The following LUZP2 variants were observed in gnomAD, a reference collection of about 807,000 sequenced individuals.
The protein encoded by LUZP2 is leucine zipper protein 2.
A neutral mutation model predicts 51.6 loss-of-function variants in LUZP2; 52 were observed. The ratio of observed to expected loss-of-function variants is 1.01; its 90% CI spans 0.81 to 1.27. The LOEUF is 1.27. Ranked by LOEUF, LUZP2 falls within the 50% of genes most tolerant of loss-of-function variation. The pLI is 0.00. For synonymous variants in LUZP2, 154 were observed against 137.3 expected, an observed-to-expected ratio of 1.12 and a Z score of -0.85; for missense variants, 436 against 395.4, an observed-to-expected ratio of 1.10 and a Z score of -0.87.
chr11:24,765,613 C>CTT (rs55867851), intron 5 of LUZP2, among the ~76,000 whole-genome samples: 10 of 143,466 alleles, frequency 7.0e-5, no homozygotes, highest in African/African-American at 1.9e-4. Context: ...TAATTTTTTC[C>CTT]TTTTTTTTCT....
At chr11:24,800,085 C>T (rs1365110125) in intron 5 of LUZP2, among the ~76,000 whole-genome samples, 1 of 152,148 alleles carries the variant, frequency 6.6e-6, no homozygotes, top group African/African-American at 2.4e-5. Context: ...GGTCCTTTGT[C>T]TTCCTCCCCA....
chr11:24,723,443 A>G lies in LUZP2; in HGVS notation c.63-5726A>G, dbSNP rs139033572. 3.5e-4 allele frequency among the ~76,000 whole-genome samples: 53 copies of G among 152,356 alleles called. No individual in the cohort carries two copies. The East Asian group carries it at 8.1e-3, about 23-fold the overall frequency. ...TATTCATTGCAGCATTACTCATAAT[A>G]TTCAAAAACTGGAAAAAGTCACAAG... On this transcript the variant is annotated intron_variant, in intron 1 of 11. Transcript: ENST00000336930.
chr11:24,759,140 T>C (rs2134024344), intron 4 of LUZP2, among the ~76,000 whole-genome samples: 1 of 152,232 alleles, frequency 6.6e-6, no homozygotes, highest in Non-Finnish European at 1.5e-5. Flanking sequence ...TAATTAAAGA[T>C]TTTAATGATT....
intron 5 of LUZP2, among the ~76,000 whole-genome samples, chr11:24,789,784 A>G (rs1407405005): frequency 2.6e-5 from 4 of 152,178 alleles, no homozygotes; most frequent in Admixed American, 6.6e-5. Flanking sequence ...GAAGAAGCAA[A>G]TGAGCTTCCT....
At chr11:24,696,368 A>G (rs1857247125) in intron 1 of LUZP2, among the ~76,000 whole-genome samples, 1 of 152,072 alleles carries the variant, frequency 6.6e-6, no homozygotes. Context: ...CTTATTTGTT[A>G]TTTTTCTCCT....
At chr11:24,819,435 T>A (rs1850289704) in intron 5 of LUZP2, among the ~76,000 whole-genome samples, 1 of 152,092 alleles carries the variant, frequency 6.6e-6, no homozygotes, top group Admixed American at 6.6e-5. Context: ...GCCTCAAATA[T>A]CCACATTATA....
At chr11:25,067,105 A>T (rs1425782454) in intron 10 of LUZP2, among the ~76,000 whole-genome samples, 22 of 151,956 alleles carry the variant, frequency 1.4e-4, no homozygotes, top group Admixed American at 1.4e-3. Context: ...TATTTTTGGG[A>T]TGGGAAGTTA....
intron 7 of LUZP2, among the ~76,000 whole-genome samples, chr11:24,940,396 C>A (rs1485008293): frequency 1.3e-5 from 2 of 152,230 alleles, no homozygotes; most frequent in East Asian, 3.9e-4. Flanking sequence ...CAAGTGGGCT[C>A]ATTCTCTTTA....
chr11:24,834,258 C>A (rs139037028), intron 5 of LUZP2, among the ~76,000 whole-genome samples: 19 of 152,228 alleles, frequency 1.2e-4, no homozygotes, highest in Admixed American at 1.0e-3. Flanking sequence ...CCCTCACCCC[C>A]CAACAGGCCC....
At chr11:24,911,803 A>T (rs1853645219) in intron 6 of LUZP2, among the ~76,000 whole-genome samples, 1 of 152,188 alleles carries the variant, frequency 6.6e-6, no homozygotes, top group Non-Finnish European at 1.5e-5. Context: ...ACAGTGATGT[A>T]ATAAATGTGA....
At chr11:24,597,491 G>A (rs1009747299) in intron 1 of LUZP2, among the ~76,000 whole-genome samples, 1 of 152,160 alleles carries the variant, frequency 6.6e-6, no homozygotes, top group African/African-American at 2.4e-5. Flanking sequence ...TTTAAAGATT[G>A]TTGAGTGCAG....
At chr11:25,030,947 TTATATATATAATAC>T (rs1403261214) in intron 9 of LUZP2, among the ~76,000 whole-genome samples, 2 of 2,642 alleles carry the variant, frequency 7.6e-4, no homozygotes, top group Non-Finnish European at 2.1e-3. Flanking sequence ...ATTATATATA[TTATATATATAATAC>T]AATATATATT....
chr11:24,981,556 T>C (rs967529373), intron 8 of LUZP2, among the ~76,000 whole-genome samples: 8 of 151,804 alleles, frequency 5.3e-5, no homozygotes, highest in Admixed American at 5.3e-4. Flanking sequence ...AACCTGGGAA[T>C]GCAGCCCAGT....
At chr11:24,922,001 A>T (rs1386217435) in intron 7 of LUZP2, among the ~76,000 whole-genome samples, 1 of 152,160 alleles carries the variant, frequency 6.6e-6, no homozygotes, top group Non-Finnish European at 1.5e-5. Flanking sequence ...CTAACATGTT[A>T]CCTGTAAAGC....
At position 24,985,735 on chromosome 11, in the gene LUZP2, C is replaced by T. The variant is rs36079005; in HGVS notation, c.765+2442C>T. Among the ~76,000 whole-genome samples, 1,136 of 151,786 alleles carry T rather than the reference C, an allele frequency of 7.5e-3. 11 individuals are homozygous for T. The highest frequency in any genetic ancestry group is 0.026 in the African/African-American group (1,075 of 41,488). ...AAAGGGAAGCCAAACTGGTTTGTTT[C>T]TAACCTGCTATGTTTTGGGTTTCTG... is the stretch of plus-strand genomic sequence containing the variant. On this transcript the variant is annotated intron_variant, in intron 9 of 11. Transcript: ENST00000336930.
chr11:24,878,171 T>A (rs1852338084), intron 5 of LUZP2, among the ~76,000 whole-genome samples: 1 of 151,296 alleles, frequency 6.6e-6, no homozygotes, highest in Admixed American at 6.6e-5. Context: ...TATTGTACAT[T>A]AATGCCCTTT....
At chr11:25,029,440 TAAAG>T (rs1857583520) in intron 9 of LUZP2, among the ~76,000 whole-genome samples, 1 of 151,850 alleles carries the variant, frequency 6.6e-6, no homozygotes, top group African/African-American at 2.4e-5. Context: ...AAAAAAGAAA[TAAAG>T]AATGTGTAAT....
intron 1 of LUZP2, among the ~76,000 whole-genome samples, chr11:24,571,918 C>T (rs930191895): frequency 2.0e-5 from 3 of 151,918 alleles, no homozygotes; most frequent in African/African-American, 7.2e-5. Flanking sequence ...CTTCTACATC[C>T]TCTATTTGTG....
At chr11:24,713,978 G>A (rs1199275376) in intron 1 of LUZP2, among the ~76,000 whole-genome samples, 2 of 148,658 alleles carry the variant, frequency 1.3e-5, no homozygotes, top group East Asian at 4.0e-4. Context: ...TTACAGGCAT[G>A]AGCCACCATG....
Sources: gnomAD v4.1 joint callset for allele counts (sites outside exome capture counted in the v4.1 genomes callset) on GRCh38, gnomAD v4.1.1 for gene constraint, MANE v1.5 for transcripts, NCBI Gene and HGNC (gene_info 2026-07-23, HGNC 2026-07-21) for gene names.